The following ABCG2 variants were observed in gnomAD, a reference collection of about 807,000 sequenced individuals.
ABCG2 encodes the protein broad substrate specificity ATP-binding cassette transporter ABCG2.
In ABCG2, 80 loss-of-function variants were observed where a neutral mutation model predicts 73.5. The observed-to-expected ratio is 1.09, with a 90% CI of 0.91 to 1.31. The LOEUF (loss-of-function observed/expected upper bound fraction) is 1.31. Among genes scored for constraint, ABCG2 ranks in the 50% most tolerant of loss-of-function variants. The pLI, the probability that ABCG2 is intolerant of heterozygous loss-of-function variation, is 0.00. For synonymous variants in ABCG2, 269 were observed against 282.4 expected (o/e 0.95, Z 0.48); for missense variants, 796 against 786.2 (o/e 1.01, Z -0.15).
At chr4:88,207,823 G>C (rs1273557046) in intron 1 of ABCG2, among the ~76,000 whole-genome samples, 1 of 152,100 alleles carries the variant, frequency 6.6e-6, no homozygotes, top group Non-Finnish European at 1.5e-5. Flanking sequence ...GGAATTACAG[G>C]CATAGCCACC....
In ABCG2 at chr4:88,105,338, C is replaced by T. The variant is rs192562676; in HGVS notation, c.1277+1846G>A. ...AGTAAAATGGGGATACTACCATCTACCCCCTCTAAATCACTGGGTGGTAAC... is the reference window on the plus strand; with the variant it reads ...AGTAAAATGGGGATACTACCATCTATCCCCTCTAAATCACTGGGTGGTAAC... On this transcript the variant is annotated intron_variant, in intron 10 of 15. Coordinates refer to ENST00000237612, the MANE Select transcript of ABCG2 (RefSeq NM_004827.3). Among the ~76,000 whole-genome samples the T allele has an allele frequency of 2.8e-4, 42 of 152,282 alleles. No individual in the cohort carries two copies. The East Asian group carries it at 7.9e-3, about 29-fold the overall frequency.
rs372709752 is a variant in ABCG2 at position 88,111,921 on chromosome 4, T to G, written c.1194+1382A>C. Among the ~76,000 whole-genome samples, 8 of 152,010 alleles carry G rather than the reference T, an allele frequency of 5.3e-5. No individual in the cohort carries two copies. In the East Asian group the frequency reaches 1.4e-3, roughly 26 times the overall value. On this transcript the variant is annotated intron_variant, in intron 9 of 15. Transcript: ENST00000237612. ...GGACAACATAGTGAGACCCTGTTTC[T>G]ACAAAAAATTAAAAAATCAGCCAGG...
chr4:88,211,009 C>T (rs142414782), intron 1 of ABCG2, among the ~76,000 whole-genome samples: 2 of 151,844 alleles, frequency 1.3e-5, no homozygotes, highest in African/African-American at 4.8e-5. Flanking sequence ...GCCAGGAACT[C>T]GAGGCTGTAG....
intron 1 of ABCG2, among the ~76,000 whole-genome samples, chr4:88,169,939 C>T (rs372052653): frequency 3.9e-5 from 6 of 151,918 alleles, no homozygotes; most frequent in Non-Finnish European, 5.9e-5. Flanking sequence ...GGTGAAACCC[C>T]GTCTCTACTA....
intron 1 of ABCG2, among the ~76,000 whole-genome samples, chr4:88,149,790 G>A (rs1726326612): frequency 6.6e-6 from 1 of 152,182 alleles, no homozygotes; most frequent in South Asian, 2.1e-4. Flanking sequence ...GGCAGAGGTT[G>A]CGGTGAGCTG....
intron 5 of ABCG2, among the ~76,000 whole-genome samples, chr4:88,124,756 G>A (rs1016555182): frequency 6.6e-6 from 1 of 151,596 alleles, no homozygotes; most frequent in Admixed American, 6.6e-5. Context: ...ACAGATCATC[G>A]ACATCAACAA....
chr4:88,113,592 T>A, intron 8 of ABCG2, 39 bp from the exon 9 acceptor site: 1 of 1,596,532 alleles, frequency 6.3e-7, no homozygotes, highest in Non-Finnish European at 8.5e-7. Flanking sequence ...ACAAACAAGA[T>A]AACAACAAAT....
intron 5 of ABCG2, among the ~76,000 whole-genome samples, chr4:88,128,529 C>T (rs144820227): frequency 6.6e-6 from 1 of 152,142 alleles, no homozygotes; most frequent in Non-Finnish European, 1.5e-5. Flanking sequence ...ACCCAAATGC[C>T]CATAATGATA....
chr4:88,157,292 A>C (rs1374195223), intron 1 of ABCG2, among the ~76,000 whole-genome samples: 1 of 152,194 alleles, frequency 6.6e-6, no homozygotes, highest in Non-Finnish European at 1.5e-5. Flanking sequence ...TCCATGAAAA[A>C]ACAATGAAAG....
At chr4:88,224,331 G>A (rs868168725) in intron 1 of ABCG2, among the ~76,000 whole-genome samples, 2 of 152,090 alleles carry the variant, frequency 1.3e-5, no homozygotes, top group African/African-American at 4.8e-5. Context: ...CCAGCTCCTA[G>A]GGAGGCTAAA....
chr4:88,202,683 C>T (rs1729232100), intron 1 of ABCG2, among the ~76,000 whole-genome samples: 1 of 151,586 alleles, frequency 6.6e-6, no homozygotes, highest in Non-Finnish European at 1.5e-5. Flanking sequence ...ACAGGCTGGT[C>T]AGAGGTTCTC....
intron 14 of ABCG2, among the ~76,000 whole-genome samples, chr4:88,094,941 A>G (rs1317971357): frequency 3.9e-5 from 6 of 152,156 alleles, no homozygotes; most frequent in Admixed American, 6.5e-5. Flanking sequence ...TCTCTCCCCA[A>G]TTTTGTAACT....
chr4:88,196,569 T>A (rs1475560651), intron 1 of ABCG2, among the ~76,000 whole-genome samples: 1 of 152,146 alleles, frequency 6.6e-6, no homozygotes, highest in Non-Finnish European at 1.5e-5. Flanking sequence ...ATCTGGTAAG[T>A]TTGCTTGTGG....
Position 88,112,912 on chromosome 4 carries a change from C to T in ABCG2, c.1194+391G>A, listed in dbSNP as rs571415433. On this transcript the variant is annotated intron_variant, in intron 9 of 15. Coordinates refer to ENST00000237612, the MANE Select transcript of ABCG2 (RefSeq NM_004827.3). ...ATCGCTTGAACCCACGAGTTCAAGA[C>T]CAGCCTGGGCAACACAGCGAAACCC... Among the ~76,000 whole-genome samples the T allele has an allele frequency of 5.3e-5, 8 of 152,188 alleles. No homozygotes were observed. In the South Asian group the frequency reaches 1.7e-3, roughly 32 times the overall value.
At chr4:88,092,527 T>G (rs1721706521) in intron 15 of ABCG2, 146 bp from the exon 16 acceptor site, 1 of 839,158 alleles carries the variant, frequency 1.2e-6, no homozygotes, top group Non-Finnish European at 1.8e-6. Flanking sequence ...ACAGTCATTG[T>G]GTGTTTACAA....
intron 1 of ABCG2, among the ~76,000 whole-genome samples, chr4:88,141,862 A>T (rs1408592136): frequency 2.0e-5 from 3 of 152,228 alleles, no homozygotes; most frequent in Non-Finnish European, 2.9e-5. Flanking sequence ...CATTGACATT[A>T]AAACAAAAGA....
At chr4:88,111,828 C>T (rs1194098735) in intron 9 of ABCG2, among the ~76,000 whole-genome samples, 1 of 152,156 alleles carries the variant, frequency 6.6e-6, no homozygotes, top group Non-Finnish European at 1.5e-5. Context: ...TGGTGGCTCA[C>T]ACCTGTGATC....
intron 2 of ABCG2, 111 bp downstream of exon 2, chr4:88,139,682 C>T: frequency 1.1e-6 from 1 of 869,782 alleles, no homozygotes; most frequent in Admixed American, 2.6e-5. Context: ...TATATCTGTG[C>T]AAAGACTTGT....
At chr4:88,192,840 T>A (rs4693929) in intron 1 of ABCG2, among the ~76,000 whole-genome samples, 2 of 151,650 alleles carry the variant, frequency 1.3e-5, no homozygotes, top group Non-Finnish European at 2.9e-5. Context: ...GCCTCCCAAG[T>A]AGCTGGGATT....
Sources: allele counts gnomAD v4.1 joint callset (sites outside exome capture counted in the v4.1 genomes callset), GRCh38; gene constraint gnomAD v4.1.1; transcripts MANE v1.5; gene names NCBI Gene and HGNC (gene_info 2026-07-23, HGNC 2026-07-21).